Variants in SEZ6L observed in about 807,000 individuals in gnomAD.
SEZ6L encodes seizure related 6 homolog like.
Under a neutral mutation model 106.2 loss-of-function variants are expected in SEZ6L, and 37 were observed. The ratio of observed to expected loss-of-function variants is 0.35; its 90% CI spans 0.27 to 0.46. SEZ6L has a LOEUF of 0.46. SEZ6L is among the 20% of genes least tolerant of loss of function. The pLI is 1.00. For missense variants in SEZ6L, 1,172 were observed against 1,332.8 expected (o/e 0.88, Z 1.88); for synonymous variants, 541 against 570.4 (o/e 0.95, Z 0.73).
chr22:26,348,658 GA>G (rs1290686808), intron 11 of SEZ6L, among the ~76,000 whole-genome samples: 1 of 42,898 alleles, frequency 2.3e-5, no homozygotes, highest in Non-Finnish European at 4.5e-5. Flanking sequence ...AAGAAAGAAA[GA>G]AAGAAAGAAA....
chr22:26,201,382 C>CAAAAAAAAAAAAAAAAAAAA (rs71192905), intron 1 of SEZ6L, among the ~76,000 whole-genome samples: 3 of 75,312 alleles, frequency 4.0e-5, no homozygotes, highest in African/African-American at 1.1e-4. Context: ...TACAAAAATA[C>CAAAAAAAAAAAAAAAAAAAA]AAAAAAAAAA....
intron 15 of SEZ6L, among the ~76,000 whole-genome samples, chr22:26,376,738 G>A (rs568940511): frequency 2.6e-5 from 4 of 152,140 alleles, no homozygotes; most frequent in African/African-American, 9.6e-5. Context: ...AACAAAGCAA[G>A]ACTCCATTTC....
intron 1 of SEZ6L, among the ~76,000 whole-genome samples, chr22:26,206,811 G>T (rs1007504978): frequency 3.9e-5 from 6 of 152,192 alleles, no homozygotes; most frequent in Admixed American, 1.3e-4. Context: ...GAGAAAGTTA[G>T]ATGAACTCAG....
At chr22:26,233,705 C>T (rs557377905) in intron 1 of SEZ6L, among the ~76,000 whole-genome samples, 2 of 152,296 alleles carry the variant, frequency 1.3e-5, no homozygotes, top group South Asian at 4.1e-4. Flanking sequence ...GAACATGGAA[C>T]ACAGATGACA....
In SEZ6L at chr22:26,223,226, A is replaced by G. The variant is rs372778603; in HGVS notation, c.94+53463A>G. Among the ~76,000 whole-genome samples, 128 of 152,338 alleles carry G rather than the reference A, an allele frequency of 8.4e-4. 1 individual carries two copies. In the South Asian group the frequency reaches 0.026, roughly 31 times the overall value. On this transcript the variant is annotated intron_variant, in intron 1 of 16. Transcript: ENST00000248933. ...TTAGATGTTGTGAGTAGAAGACAGA[A>G]AATAGGTTCTATGTGAACCAAGTCT...
chr22:26,294,037 C>G (rs1463705909), intron 2 of SEZ6L, among the ~76,000 whole-genome samples: 1 of 152,154 alleles, frequency 6.6e-6, no homozygotes, highest in Non-Finnish European at 1.5e-5. Flanking sequence ...TTATCAGTCC[C>G]TATGAGAATA....
intron 1 of SEZ6L, chr22:26,244,550 G>A (rs1431404141): frequency 6.6e-6 from 1 of 152,272 alleles, no homozygotes; most frequent in Non-Finnish European, 1.5e-5. Context: ...CTTACTGGAG[G>A]AAGTGGCATC....
chr22:26,216,299 A>G (rs1257149758), intron 1 of SEZ6L, among the ~76,000 whole-genome samples: 1 of 152,168 alleles, frequency 6.6e-6, no homozygotes, highest in African/African-American at 2.4e-5. Flanking sequence ...AAATCACTCA[A>G]TCCCTAAGGG....
At chr22:26,268,501 A>T (rs1425721341) in intron 1 of SEZ6L, among the ~76,000 whole-genome samples, 1 of 152,174 alleles carries the variant, frequency 6.6e-6, no homozygotes, top group Non-Finnish European at 1.5e-5. Context: ...CCTCTTCAGT[A>T]GCCAGGGGGA....
intron 5 of SEZ6L, among the ~76,000 whole-genome samples, chr22:26,301,733 G>A (rs116065297): frequency 3.3e-5 from 5 of 152,108 alleles, no homozygotes; most frequent in Non-Finnish European, 7.4e-5. Flanking sequence ...GTGGAAAATG[G>A]GGGGGAGAAG....
intron 16 of SEZ6L, among the ~76,000 whole-genome samples, chr22:26,379,497 T>C (rs1568963477): frequency 6.6e-6 from 1 of 152,246 alleles, no homozygotes; most frequent in Non-Finnish European, 1.5e-5. Flanking sequence ...CATATCTGTG[T>C]TGGCTGAATG....
At chr22:26,326,186 G>C (rs2082300803) in intron 9 of SEZ6L, among the ~76,000 whole-genome samples, 1 of 152,184 alleles carries the variant, frequency 6.6e-6, no homozygotes, top group Middle Eastern at 3.2e-3. Context: ...GTGACTGCAA[G>C]AGCCTACTTG....
chr22:26,338,310 A>G (rs1303262495), intron 9 of SEZ6L, among the ~76,000 whole-genome samples: 1 of 152,208 alleles, frequency 6.6e-6, no homozygotes, highest in African/African-American at 2.4e-5. Flanking sequence ...TACCCCAGGC[A>G]CACTGACCAC....
At chr22:26,298,471 A>C (rs188771873) in intron 4 of SEZ6L, among the ~76,000 whole-genome samples, 106 of 152,336 alleles carry the variant, frequency 7.0e-4, no homozygotes, top group Non-Finnish European at 1.2e-3. Flanking sequence ...CCTTGTCTCA[A>C]GGTGACATCG....
intron 1 of SEZ6L, among the ~76,000 whole-genome samples, chr22:26,233,832 GT>G (rs887114941): frequency 2.0e-5 from 3 of 152,184 alleles, no homozygotes; most frequent in African/African-American, 7.2e-5. Flanking sequence ...TAGAAAGGTA[GT>G]CCCCCATAGA....
intron 5 of SEZ6L, among the ~76,000 whole-genome samples, chr22:26,299,904 G>T (rs1048728252): frequency 6.6e-6 from 1 of 152,158 alleles, no homozygotes; most frequent in Non-Finnish European, 1.5e-5. Flanking sequence ...ACCATCAAAC[G>T]ATTTTCCACA....
intron 1 of SEZ6L, among the ~76,000 whole-genome samples, chr22:26,267,725 C>T (rs1456467438): frequency 2.0e-5 from 3 of 152,168 alleles, no homozygotes; most frequent in Admixed American, 2.0e-4. Context: ...CAATAACCCA[C>T]AGAATAGTGA....
At chr22:26,363,849 G>T (rs2083717330) in intron 12 of SEZ6L, among the ~76,000 whole-genome samples, 1 of 152,172 alleles carries the variant, frequency 6.6e-6, no homozygotes, top group Non-Finnish European at 1.5e-5. Context: ...GAAAATTTTT[G>T]ACACATCTTG....
Position 26,169,625 on chromosome 22 carries a change from T to C in SEZ6L, c.-45T>C. 1.4e-6 allele frequency: 1 copy of C among 734,342 alleles called. No homozygotes were observed. Among genetic ancestry groups the C allele is most frequent in the Non-Finnish European group, 2.0e-6 (1 of 509,000 alleles). The allele number at this position is 734,342 out of a possible 1,614,324, so 45.5% of individuals were successfully genotyped here. On this transcript the variant is annotated 5_prime_UTR_variant, in exon 1 of 17. Coordinates refer to ENST00000248933, the MANE Select transcript of SEZ6L (RefSeq NM_021115.5). ...CCCTCCTTCCCCAGCTCCCTCGCCG[T>C]CCGCCCGCCCCACAGCCAGCGGCTC...
Sources: allele counts gnomAD v4.1 joint callset (sites outside exome capture counted in the v4.1 genomes callset), GRCh38; gene constraint gnomAD v4.1.1; transcripts MANE v1.5; gene names NCBI Gene and HGNC (gene_info 2026-07-23, HGNC 2026-07-21).